Variants in MRPS35 observed in about 807,000 individuals in gnomAD.
The protein encoded by MRPS35 is mitochondrial ribosomal protein S35.
In MRPS35, 29 loss-of-function variants were observed where a neutral mutation model predicts 32.7. The observed-to-expected ratio is 0.89, with a 90% confidence interval of 0.66 to 1.21. The LOEUF is 1.21. MRPS35 is among the 50% of genes most tolerant of loss of function. The probability of loss-of-function intolerance (pLI) is 0.00; values close to 1 mark genes in which losing one functional copy is unlikely to be tolerated. For missense variants in MRPS35, 373 were observed against 383.8 expected (o/e 0.97, Z 0.23); for synonymous variants, 148 against 139.3 (o/e 1.06, Z -0.44).
At chr12:27,724,256 G>C (rs1038279413) in intron 5 of MRPS35, 70 bp downstream of exon 5, 16 of 1,349,154 alleles carry the variant, frequency 1.2e-5, no homozygotes, top group African/African-American at 3.0e-5. Context: ...GATGTCTTTG[G>C]TGGCTGGCAC....
intron 7 of MRPS35, among the ~76,000 whole-genome samples, chr12:27,750,407 G>T (rs1408256055): frequency 6.6e-6 from 1 of 152,178 alleles, no homozygotes; most frequent in Non-Finnish European, 1.5e-5. Context: ...TGAGATACCT[G>T]ATATATAATT....
chr12:27,743,396 C>T (rs1203346434), intron 7 of MRPS35, among the ~76,000 whole-genome samples: 8 of 151,986 alleles, frequency 5.3e-5, no homozygotes, highest in African/African-American at 1.2e-4. Flanking sequence ...GGTGTGGTGG[C>T]GGGCACCTGT....
intron 7 of MRPS35, 134 bp downstream of exon 7, chr12:27,737,742 T>C: frequency 1.5e-6 from 1 of 663,980 alleles, no homozygotes; most frequent in East Asian, 2.9e-5. Context: ...GTATGAAATG[T>C]CATAGGTAGC....
At chr12:27,752,980 G>T (rs1324014633) in intron 7 of MRPS35, 1 of 151,998 alleles carries the variant, frequency 6.6e-6, no homozygotes, top group Non-Finnish European at 1.5e-5. Flanking sequence ...TACTCGACTA[G>T]CCTAAAAAAT....
intron 7 of MRPS35, among the ~76,000 whole-genome samples, chr12:27,742,390 G>A (rs1198312789): frequency 1.3e-5 from 2 of 152,186 alleles, no homozygotes; most frequent in Non-Finnish European, 2.9e-5. Context: ...ATGACCCCCT[G>A]CCTTAGGTAC....
intron 5 of MRPS35, among the ~76,000 whole-genome samples, chr12:27,727,671 A>G (rs1357255457): frequency 6.6e-6 from 1 of 152,122 alleles, no homozygotes; most frequent in Non-Finnish European, 1.5e-5. Flanking sequence ...GTAAGAAATC[A>G]TTGTCTTATT....
At chr12:27,729,966 C>A (rs2061915291) in intron 5 of MRPS35, among the ~76,000 whole-genome samples, 1 of 152,170 alleles carries the variant, frequency 6.6e-6, no homozygotes, top group South Asian at 2.1e-4. Flanking sequence ...GGAGCAGTTA[C>A]CTGATATACT....
At chr12:27,724,338 A>G in intron 5 of MRPS35, 152 bp downstream of exon 5, 1 of 575,730 alleles carries the variant, frequency 1.7e-6, no homozygotes, top group Non-Finnish European at 2.7e-6. Flanking sequence ...CAGGAATTTG[A>G]CGCCAGCCTG....
chr12:27,714,850 A>T (rs1375385530), intron 2 of MRPS35, 30 bp downstream of exon 2: 2 of 1,591,206 alleles, frequency 1.3e-6, no homozygotes, highest in East Asian at 2.2e-5. Flanking sequence ...TACTATCTTA[A>T]TGGTTTCTGG....
chr12:27,714,071 G>T (rs1296061248), intron 1 of MRPS35, among the ~76,000 whole-genome samples: 2 of 110,984 alleles, frequency 1.8e-5, no homozygotes, highest in Non-Finnish European at 1.7e-5. Flanking sequence ...AGATGACCTT[G>T]TCTCAAAAAA....
rs1444662875 is a variant in MRPS35 at position 27,735,605 on chromosome 12, T to A, written c.632+49T>A. ...ACTGGTCACGTGTGTTTCCTCATTG[T>A]CCTCCAATTCCTTGGCAGTCCTTTT... On this transcript the variant is annotated intron_variant, in intron 6 of 7. Transcript: ENST00000081029. The A allele has an allele frequency of 2.3e-6, 3 of 1,325,886 alleles. No homozygotes were observed. In the African/African-American group the frequency reaches 4.4e-5, roughly 19 times the overall value. The allele number at this position is 1,325,886 out of a possible 1,614,324, so 82.1% of individuals were successfully genotyped here.
At chr12:27,737,261 A>G (rs1405209829) in intron 6 of MRPS35, among the ~76,000 whole-genome samples, 1 of 152,218 alleles carries the variant, frequency 6.6e-6, no homozygotes, top group African/African-American at 2.4e-5. Flanking sequence ...ATTGGACACA[A>G]TCCTAGTAAA....
intron 5 of MRPS35, among the ~76,000 whole-genome samples, chr12:27,733,038 A>ATATATC (rs2061929113): frequency 1.3e-5 from 1 of 76,122 alleles, no homozygotes; most frequent in Non-Finnish European, 2.6e-5. Flanking sequence ...ATATATATAT[A>ATATATC]TATCCAGCAC....
chr12:27,724,505 G>A (rs2061891759), intron 5 of MRPS35, among the ~76,000 whole-genome samples: 1 of 152,234 alleles, frequency 6.6e-6, no homozygotes, highest in Admixed American at 6.5e-5. Context: ...CACTTTGGGA[G>A]GCCGAGTCAG....
chr12:27,724,162 C>G lies in MRPS35; in HGVS notation c.498C>G (p.Pro166=). The part of the protein sequence containing the change: ...YVSSGPSVRN[P]RARVVVLRVK... ...CATCAGGACCATCTGTTCGGAACCCCAGAGCACGAGTAGTAGTCTTAAGAG... is the reference window on the plus strand; with the variant it reads ...CATCAGGACCATCTGTTCGGAACCCGAGAGCACGAGTAGTAGTCTTAAGAG... The change falls in exon 5 of 8, where the codon CCC becomes CCG. Residue 166 remains proline (P), a synonymous_variant. Transcript: ENST00000081029. 3.1e-6 allele frequency: 5 copies of G among 1,596,160 alleles called. No homozygotes were observed. Among genetic ancestry groups the G allele is most frequent in the Non-Finnish European group, 4.3e-6 (5 of 1,174,048 alleles).
intron 7 of MRPS35, among the ~76,000 whole-genome samples, chr12:27,746,306 A>C (rs1205623440): frequency 6.6e-6 from 1 of 151,528 alleles, no homozygotes; most frequent in Non-Finnish European, 1.5e-5. Context: ...GGTATCTGAA[A>C]TGCTCCAAAA....
At chr12:27,746,921 A>G (rs1317937550) in intron 7 of MRPS35, among the ~76,000 whole-genome samples, 2 of 152,194 alleles carry the variant, frequency 1.3e-5, no homozygotes, top group Non-Finnish European at 2.9e-5. Flanking sequence ...AAACTACAAT[A>G]GGCTTCTAAT....
chr12:27,716,148 C>T, intron 2 of MRPS35, 143 bp from the exon 3 acceptor site: 1 of 663,774 alleles, frequency 1.5e-6, no homozygotes, highest in Non-Finnish European at 2.4e-6. Flanking sequence ...ACAGCAGCAG[C>T]ATTGTGGGAG....
chr12:27,748,257 T>A (rs2061987881), intron 7 of MRPS35, among the ~76,000 whole-genome samples: 1 of 152,198 alleles, frequency 6.6e-6, no homozygotes, highest in Admixed American at 6.5e-5. Context: ...AGACTGAATG[T>A]TCCCAGAGAA....
Sources: allele counts gnomAD v4.1 joint callset (sites outside exome capture counted in the v4.1 genomes callset), GRCh38; gene constraint gnomAD v4.1.1; transcripts MANE v1.5; gene names NCBI Gene and HGNC (gene_info 2026-07-23, HGNC 2026-07-21).